The following MROH1 variants were observed in gnomAD, a reference collection of about 807,000 sequenced individuals.
The protein encoded by MROH1 is maestro heat like repeat family member 1, also known as maestro heat-like repeat-containing protein family member 1.
In MROH1, 117 loss-of-function variants were observed where a neutral mutation model predicts 116.5. The ratio of observed to expected loss-of-function variants is 1.00; its 90% CI spans 0.86 to 1.17. The LOEUF (loss-of-function observed/expected upper bound fraction) is 1.17, where lower values mean the gene tolerates loss of function less well. Ranked by LOEUF, MROH1 falls within the 50% of genes most tolerant of loss-of-function variation. The probability of loss-of-function intolerance (pLI) is 0.00; values close to 1 mark genes in which losing one functional copy is unlikely to be tolerated. For synonymous variants in MROH1, 921 were observed against 583.9 expected (o/e 1.58, Z -8.32); for missense variants, 1,873 against 1,338.5 (o/e 1.40, Z -6.23).
chr8:144,220,985 G>A (rs1395157560), intron 13 of MROH1, among the ~76,000 whole-genome samples: 2 of 152,226 alleles, frequency 1.3e-5, no homozygotes, highest in Non-Finnish European at 2.9e-5. Flanking sequence ...TGCTCGCGGT[G>A]ATTGCAGCAA....
intron 12 of MROH1, among the ~76,000 whole-genome samples, chr8:144,216,684 C>CTTT (rs71320815): frequency 2.6e-4 from 37 of 142,898 alleles, no homozygotes; most frequent in African/African-American, 9.6e-4. Flanking sequence ...TTTTTTACTG[C>CTTT]TTTTTTTTTT....
At chr8:144,188,481 TTTTTTTG>T (rs1827766868) in intron 7 of MROH1, among the ~76,000 whole-genome samples, 1 of 27,448 alleles carries the variant, frequency 3.6e-5, no homozygotes, top group Admixed American at 4.6e-4. Context: ...TTTTTTTTTT[TTTTTTTG>T]AGACAATCTC....
At chr8:144,196,159 G>A (rs997152419) in intron 10 of MROH1, among the ~76,000 whole-genome samples, 3 of 151,494 alleles carry the variant, frequency 2.0e-5, no homozygotes, top group Non-Finnish European at 4.4e-5. Context: ...GCGTGGTGGC[G>A]GGTGCCTGTA....
At chr8:144,153,029 C>T (rs1027534031) in intron 1 of MROH1, among the ~76,000 whole-genome samples, 79 of 152,246 alleles carry the variant, frequency 5.2e-4, no homozygotes, top group African/African-American at 1.9e-3. Context: ...AGTCCTCCAC[C>T]TCTGCCAGCC....
intron 10 of MROH1, among the ~76,000 whole-genome samples, chr8:144,195,211 A>AAAAAAAAAAAAAAAAAAAAAAAAAAC (rs1829562903): frequency 7.2e-6 from 1 of 138,454 alleles, no homozygotes; most frequent in Non-Finnish European, 1.6e-5. Flanking sequence ...AAAAAAAAAA[A>AAAAAAAAAAAAAAAAAAAAAAAAAAC]AAAAAAAAGG....
chr8:144,150,223 C>A (rs1323872006), intron 1 of MROH1, among the ~76,000 whole-genome samples: 1 of 152,050 alleles, frequency 6.6e-6, no homozygotes, highest in Non-Finnish European at 1.5e-5. Context: ...TGGTGACTGG[C>A]GGGTGTTTAC....
chr8:144,159,282 C>T (rs1483777355), intron 1 of MROH1, among the ~76,000 whole-genome samples: 1 of 152,124 alleles, frequency 6.6e-6, no homozygotes, highest in Admixed American at 6.6e-5. Flanking sequence ...CACTTAAACC[C>T]GGAAGGCGGA....
At chr8:144,245,046 G>A in intron 28 of MROH1, 110 bp from the exon 29 acceptor site, 2 of 758,860 alleles carry the variant, frequency 2.6e-6, no homozygotes, top group Non-Finnish European at 4.9e-6. Context: ...GCCCCCTGTA[G>A]CCCAGGAAGG....
At chr8:144,214,835 G>T (rs376916934) in intron 12 of MROH1, among the ~76,000 whole-genome samples, 3 of 152,102 alleles carry the variant, frequency 2.0e-5, no homozygotes, top group Admixed American at 2.0e-4. Flanking sequence ...GGAATTTCAC[G>T]ATCACAGGGT....
At chr8:144,203,374 G>A (rs1178767417) in intron 12 of MROH1, among the ~76,000 whole-genome samples, 3 of 147,486 alleles carry the variant, frequency 2.0e-5, no homozygotes, top group Non-Finnish European at 4.5e-5. Context: ...GGGAGCGCTC[G>A]CTCTGTGTGG....
chr8:144,172,401 CTTT>C (rs374363403), intron 4 of MROH1, among the ~76,000 whole-genome samples: 1 of 146,734 alleles, frequency 6.8e-6, no homozygotes, highest in African/African-American at 2.6e-5. Context: ...CAACATTTAA[CTTT>C]TTTTTTTTCT....
intron 12 of MROH1, among the ~76,000 whole-genome samples, chr8:144,218,507 A>C (rs1162983250): frequency 6.6e-6 from 1 of 151,478 alleles, no homozygotes; most frequent in Non-Finnish European, 1.5e-5. Context: ...CTTTCTGTTG[A>C]TGAGTCTTGT....
chr8:144,152,799 G>C (rs964983122), intron 1 of MROH1, among the ~76,000 whole-genome samples: 2 of 151,942 alleles, frequency 1.3e-5, no homozygotes, highest in Non-Finnish European at 1.5e-5. Flanking sequence ...TGCCCACCTC[G>C]GCCTCCCAAA....
chr8:144,183,447 C>T (rs1464547672), intron 7 of MROH1, among the ~76,000 whole-genome samples: 4 of 150,132 alleles, frequency 2.7e-5, no homozygotes, highest in African/African-American at 9.8e-5. Context: ...TTATGGTGGT[C>T]TGTTATTCTG....
chr8:144,243,701 A>T (rs1007525218), intron 25 of MROH1, 85 bp downstream of exon 25: 1 of 770,620 alleles, frequency 1.3e-6, no homozygotes. Flanking sequence ...ACTGAGGGTG[A>T]TAATGTGAAG....
intron 22 of MROH1, among the ~76,000 whole-genome samples, 169 bp downstream of exon 22, chr8:144,241,686 G>A (rs1464903107): frequency 1.3e-5 from 2 of 152,246 alleles, no homozygotes; most frequent in Admixed American, 6.5e-5. Flanking sequence ...TGCTCCCAGT[G>A]GGGAGGGCGG....
intron 13 of MROH1, among the ~76,000 whole-genome samples, chr8:144,221,128 G>A (rs1486040706): frequency 6.6e-6 from 1 of 152,180 alleles, no homozygotes; most frequent in Admixed American, 6.6e-5. Flanking sequence ...CTTCACAGCA[G>A]CAATGTGGGT....
At position 144,239,766 on chromosome 8, in the gene MROH1, G is replaced by T. The variant is rs1030284178; in HGVS notation, c.1774+11G>T. ...TGGGGTACCTGGATGGTGAGGCCAG[G>T]GTCAGGATGGGGTGCATAGCCCTGT... On this transcript the variant is annotated intron_variant, in intron 18 of 43. Coordinates refer to ENST00000326134, the MANE Select transcript of MROH1 (RefSeq NM_032450.3). 7.0e-6 allele frequency: 5 copies of T among 717,118 alleles called. No individual in the cohort carries two copies. Among genetic ancestry groups the T allele is most frequent in the Admixed American group, 2.0e-5 (1 of 50,018 alleles). 44.4% of individuals were successfully genotyped at this position (717,118 alleles called of 1,614,324 possible).
At position 144,180,582 on chromosome 8, in the gene MROH1, G is replaced by T; in HGVS notation, c.562+59G>T. On this transcript the variant is annotated intron_variant, in intron 7 of 43. Transcript: ENST00000326134. The surrounding 1 kb of genome is among the most constrained non-coding windows in gnomAD (Gnocchi z 7.4). ...TGCCCCTTTGTGGGGGGCTGTTCCCGGGCATGCCTGTTTTAGGGGGGACAG... is the reference window on the plus strand; with the variant it reads ...TGCCCCTTTGTGGGGGGCTGTTCCCTGGCATGCCTGTTTTAGGGGGGACAG... The T allele has an allele frequency of 6.5e-7, 1 of 1,532,008 alleles. No homozygotes were observed. The allele number at this position is 1,532,008 out of a possible 1,614,324, so 94.9% of individuals were successfully genotyped here. A position where few individuals can be genotyped will look rare whatever the true frequency, so the allele number is the denominator to read the frequency against.
Sources: allele counts gnomAD v4.1 joint callset (sites outside exome capture counted in the v4.1 genomes callset), GRCh38; gene constraint gnomAD v4.1.1; non-coding constraint Gnocchi (gnomAD v3.1); transcripts MANE v1.5; gene names NCBI Gene and HGNC (gene_info 2026-07-23, HGNC 2026-07-21).